ZCCHC4: variants seen among roughly 807,000 people sequenced by gnomAD.
The protein encoded by ZCCHC4 is rRNA N(6)-adenosine-methyltransferase ZCCHC4.
A neutral mutation model predicts 67.7 loss-of-function variants in ZCCHC4; 54 were observed. The ratio of observed to expected loss-of-function variants is 0.80; its 90% CI spans 0.64 to 1.00. The LOEUF (loss-of-function observed/expected upper bound fraction) is 1.00, where lower values mean the gene tolerates loss of function less well. ZCCHC4 is among the 50% of genes least tolerant of loss of function. The pLI is 0.00. For synonymous variants in ZCCHC4, 198 were observed against 213.5 expected, an observed-to-expected ratio of 0.93 and a Z score of 0.63; for missense variants, 609 against 617.0, an observed-to-expected ratio of 0.99 and a Z score of 0.14.
At chr4:25,365,937 T>G in intron 12 of ZCCHC4, 2 of 984,224 alleles carry the variant, frequency 2.0e-6, no homozygotes, top group Non-Finnish European at 2.4e-6. Context: ...CTAAGAAAAC[T>G]AATGTTACAC....
chr4:25,330,644 G>GCAA (rs1719129332), intron 3 of ZCCHC4, among the ~76,000 whole-genome samples: 1 of 152,166 alleles, frequency 6.6e-6, no homozygotes, highest in East Asian at 1.9e-4. Context: ...CCCTGCTTTT[G>GCAA]AAGACTTGTC....
At chr4:25,331,410 TC>T (rs1719174559) in intron 3 of ZCCHC4, among the ~76,000 whole-genome samples, 1 of 152,252 alleles carries the variant, frequency 6.6e-6, no homozygotes, top group Admixed American at 6.5e-5. Flanking sequence ...GCTCAAGTGA[TC>T]CTCCTGCCTC....
chr4:25,349,227 TAAC>T (rs1720168202), intron 6 of ZCCHC4, among the ~76,000 whole-genome samples: 1 of 152,220 alleles, frequency 6.6e-6, no homozygotes, highest in Non-Finnish European at 1.5e-5. Context: ...CCTTTTAATT[TAAC>T]CATTTGAAAT....
chr4:25,362,368 A>G (rs1720777695), intron 10 of ZCCHC4, 67 bp downstream of exon 10: 1 of 1,093,886 alleles, frequency 9.1e-7, no homozygotes, highest in African/African-American at 1.6e-5. Context: ...TACTAGTTTT[A>G]TTACTTTTTC....
At chr4:25,323,407 GT>G (rs11380168) in intron 3 of ZCCHC4, among the ~76,000 whole-genome samples, 6 of 150,440 alleles carry the variant, frequency 4.0e-5, no homozygotes, top group African/African-American at 1.2e-4. Context: ...GTTCTGTTGT[GT>G]TTTTTTTTCA....
At chr4:25,349,833 G>A (rs1720204579) in intron 7 of ZCCHC4, 191 bp downstream of exon 7, 1 of 602,390 alleles carries the variant, frequency 1.7e-6, no homozygotes, top group Non-Finnish European at 2.8e-6. Context: ...TAATCATGTG[G>A]ATTTTTTTAA....
chr4:25,347,717 T>C lies in ZCCHC4; in HGVS notation c.760-1775T>C, dbSNP rs995169251. ...ACTCTGCTAGTGCACCTCAGCACTTTACAGTCCACTAGATTCAAAAGCTGG... is the reference window on the plus strand; with the variant it reads ...ACTCTGCTAGTGCACCTCAGCACTTCACAGTCCACTAGATTCAAAAGCTGG... On this transcript the variant is annotated intron_variant, in intron 6 of 12. Transcript: ENST00000302874. Among the ~76,000 whole-genome samples, 5 of 152,338 alleles carry C rather than the reference T, an allele frequency of 3.3e-5. 1 individual carries two copies.
chr4:25,345,098 C>T (rs940218977), intron 5 of ZCCHC4, among the ~76,000 whole-genome samples: 2 of 151,762 alleles, frequency 1.3e-5, no homozygotes, highest in Admixed American at 1.3e-4. Context: ...CCACTGTGCC[C>T]GGCCTGTATT....
intron 5 of ZCCHC4, among the ~76,000 whole-genome samples, chr4:25,337,144 G>A (rs1398166509): frequency 1.3e-5 from 2 of 152,050 alleles, no homozygotes; most frequent in Non-Finnish European, 2.9e-5. Flanking sequence ...ATCAAAACTG[G>A]TTTCTAGGTT....
intron 3 of ZCCHC4, among the ~76,000 whole-genome samples, chr4:25,318,662 C>T (rs1033459868): frequency 6.6e-6 from 1 of 151,846 alleles, no homozygotes; most frequent in Non-Finnish European, 1.5e-5. Context: ...GCCTAAACCA[C>T]TGTTCTTATC....
intron 2 of ZCCHC4, among the ~76,000 whole-genome samples, chr4:25,314,680 G>T (rs1718157158): frequency 6.6e-6 from 1 of 152,078 alleles, no homozygotes; most frequent in Non-Finnish European, 1.5e-5. Flanking sequence ...CTACCCTCTT[G>T]ACGTAATTAC....
intron 3 of ZCCHC4, among the ~76,000 whole-genome samples, chr4:25,325,029 G>T (rs982504751): frequency 4.0e-5 from 6 of 151,738 alleles, no homozygotes; most frequent in African/African-American, 1.5e-4. Flanking sequence ...GGATCACGAG[G>T]TCAGGAGATC....
chr4:25,317,704 C>CAAAAAAAAAAAAA (rs778867924), intron 3 of ZCCHC4, among the ~76,000 whole-genome samples: 14 of 72,356 alleles, frequency 1.9e-4, no homozygotes, highest in African/African-American at 4.4e-4. Context: ...GACGCTGTCA[C>CAAAAAAAAAAAAA]AAAAAAAAAA....
chr4:25,344,594 C>T (rs1343198527), intron 5 of ZCCHC4, among the ~76,000 whole-genome samples: 1 of 149,942 alleles, frequency 6.7e-6, no homozygotes, highest in East Asian at 2.0e-4. Context: ...CACATGTACC[C>T]TAAAACTTAA....
chr4:25,352,054 C>A, intron 8 of ZCCHC4: 1 of 997,644 alleles, frequency 1.0e-6, no homozygotes, highest in Non-Finnish European at 1.2e-6. Context: ...TCATTATGAA[C>A]GTTGGTTTCC....
chr4:25,319,353 C>T (rs1004017044), intron 3 of ZCCHC4, among the ~76,000 whole-genome samples: 29 of 151,928 alleles, frequency 1.9e-4, no homozygotes, highest in African/African-American at 6.3e-4. Flanking sequence ...CCACTGCACT[C>T]CAGCCTGGGC....
intron 5 of ZCCHC4, among the ~76,000 whole-genome samples, chr4:25,344,538 A>G (rs574349468): frequency 2.0e-5 from 3 of 151,504 alleles, no homozygotes; most frequent in Non-Finnish European, 4.4e-5. Flanking sequence ...GGTACAGCAC[A>G]CCAGCATGGC....
At chr4:25,360,087 A>G (rs997473305) in intron 8 of ZCCHC4, among the ~76,000 whole-genome samples, 2 of 152,334 alleles carry the variant, frequency 1.3e-5, no homozygotes, top group East Asian at 1.9e-4. Flanking sequence ...TTTTCCAGAG[A>G]GCCAGGAACA....
At chr4:25,340,767 T>A (rs974025721) in intron 5 of ZCCHC4, among the ~76,000 whole-genome samples, 1 of 152,178 alleles carries the variant, frequency 6.6e-6, no homozygotes, top group Non-Finnish European at 1.5e-5. Context: ...TTTAAATGGT[T>A]TTCTGAATTT....
Sources: gnomAD v4.1 joint callset for allele counts (sites outside exome capture counted in the v4.1 genomes callset) on GRCh38, gnomAD v4.1.1 for gene constraint, MANE v1.5 for transcripts, NCBI Gene and HGNC (gene_info 2026-07-23, HGNC 2026-07-21) for gene names.